The following EXPH5 variants were observed in gnomAD, a reference collection of about 807,000 sequenced individuals.
EXPH5 encodes exophilin 5.
A neutral mutation model predicts 41.1 loss-of-function variants in EXPH5; 42 were observed. The ratio of observed to expected loss-of-function variants is 1.02; its 90% CI spans 0.80 to 1.32. The LOEUF is 1.32. Among genes scored for constraint, EXPH5 ranks in the 40% most tolerant of loss-of-function variants. The pLI is 0.00. For missense variants in EXPH5, 2,298 were observed against 2,314.5 expected (o/e 0.99, Z 0.15); for synonymous variants, 798 against 833.5 (o/e 0.96, Z 0.73).
At chr11:108,533,099 T>C (rs1016983235) in intron 3 of EXPH5, among the ~76,000 whole-genome samples, 1 of 152,232 alleles carries the variant, frequency 6.6e-6, no homozygotes, top group African/African-American at 2.4e-5. Context: ...AGATTCTTCA[T>C]GATCATCTAT....
intron 4 of EXPH5, among the ~76,000 whole-genome samples, chr11:108,527,905 G>A (rs1273318843): frequency 1.3e-5 from 2 of 152,186 alleles, no homozygotes; most frequent in African/African-American, 2.4e-5. Context: ...TGCCACTGAT[G>A]GCATAAGTGG....
At chr11:108,574,373 C>A in intron 1 of EXPH5, among the ~76,000 whole-genome samples, 1 of 82,782 alleles carries the variant, frequency 1.2e-5, no homozygotes. Context: ...ACAAGACCAT[C>A]TCAAAAAAAA....
intron 1 of EXPH5, among the ~76,000 whole-genome samples, chr11:108,582,815 G>A (rs527697368): frequency 4.6e-5 from 7 of 152,138 alleles, no homozygotes; most frequent in Non-Finnish European, 8.8e-5. Flanking sequence ...TTGTGGCAGC[G>A]TTACTCCTGT....
intron 1 of EXPH5, among the ~76,000 whole-genome samples, chr11:108,575,782 T>C (rs2094077664): frequency 6.6e-6 from 1 of 152,134 alleles, no homozygotes; most frequent in Non-Finnish European, 1.5e-5. Flanking sequence ...AAGAACAGCC[T>C]GACCAACATG....
chr11:108,581,924 C>T (rs7105022), intron 1 of EXPH5, among the ~76,000 whole-genome samples: 64,427 of 151,874 alleles, frequency 0.42, 13,896 homozygotes, highest in Middle Eastern at 0.56. Flanking sequence ...TCAAAAAACA[C>T]GCACTGTCAA....
chr11:108,536,694 ATC>A (rs2093882325), intron 3 of EXPH5, among the ~76,000 whole-genome samples: 1 of 152,222 alleles, frequency 6.6e-6, no homozygotes, highest in African/African-American at 2.4e-5. Flanking sequence ...GAACAAGTGA[ATC>A]TGGTGAAATG....
chr11:108,576,079 A>G (rs911901220), intron 1 of EXPH5, among the ~76,000 whole-genome samples: 1 of 152,208 alleles, frequency 6.6e-6, no homozygotes, highest in Non-Finnish European at 1.5e-5. Flanking sequence ...CTACCTATAT[A>G]CTCTGGAGAA....
At chr11:108,576,648 A>G (rs1228316268) in intron 1 of EXPH5, among the ~76,000 whole-genome samples, 1 of 152,200 alleles carries the variant, frequency 6.6e-6, no homozygotes, top group Non-Finnish European at 1.5e-5. Flanking sequence ...TACATGTGAT[A>G]TTTAATATAA....
chr11:108,550,918 T>A (rs2093961364), intron 1 of EXPH5, among the ~76,000 whole-genome samples: 1 of 152,156 alleles, frequency 6.6e-6, no homozygotes, highest in Non-Finnish European at 1.5e-5. Context: ...CAGAAAAGCC[T>A]CAACATTCCT....
At position 108,577,593 on chromosome 11, in the gene EXPH5, T is replaced by G. The variant is rs546766439; in HGVS notation, c.119+15825A>C. ...CATGTGTCACCACGCCCGGCTAATTTTGTATTTTTAGTAGAGACAGGGTTT... is the reference window on the plus strand; with the variant it reads ...CATGTGTCACCACGCCCGGCTAATTGTGTATTTTTAGTAGAGACAGGGTTT... On this transcript the variant is annotated intron_variant, in intron 1 of 5. Coordinates refer to ENST00000265843, the MANE Select transcript of EXPH5 (RefSeq NM_015065.3). Among the ~76,000 whole-genome samples, 305 of 152,088 alleles carry G rather than the reference T, an allele frequency of 2.0e-3. 2 individuals carry two copies. Among genetic ancestry groups the G allele is most frequent in the African/African-American group, 7.2e-3 (298 of 41,490 alleles).
chr11:108,511,196 A>G lies in EXPH5; in HGVS notation c.4311T>C (p.Asn1437=). 6.2e-7 allele frequency: 1 copy of G among 1,613,196 alleles called. No homozygotes were observed. Among genetic ancestry groups the G allele is most frequent in the African/African-American group, 1.3e-5 (1 of 74,972 alleles). ...CCCAAGAACTTCTTCTAGTTTGGGA[A>G]TTTCCAATATTAACTTCTGAAAGAG... is the stretch of plus-strand genomic sequence containing the variant. ...LPALSEVNIG[N]SQTRRSSWEC... is the part of the protein sequence containing the mutation. Residue 1437 remains asparagine (N), a synonymous_variant, in exon 6 of 6, where the codon AAT becomes AAC. Transcript: ENST00000265843.
chr11:108,541,096 G>T (rs2093910174), intron 2 of EXPH5, among the ~76,000 whole-genome samples: 1 of 151,976 alleles, frequency 6.6e-6, no homozygotes, highest in African/African-American at 2.4e-5. Context: ...GTAGAGATGA[G>T]GTTTCGCCAT....
chr11:108,568,368 A>T (rs2094044544), intron 1 of EXPH5, among the ~76,000 whole-genome samples: 1 of 152,018 alleles, frequency 6.6e-6, no homozygotes, highest in African/African-American at 2.4e-5. Flanking sequence ...GTGGTTCCTG[A>T]GAACCAATCG....
chr11:108,593,824 TGTCCCCTCCCTCGTCCCCTCCCTCGTCTC>T, upstream of EXPH5: 1 of 1,362,134 alleles, frequency 7.3e-7, no homozygotes, highest in South Asian at 1.2e-5. Context: ...GGCCCTCCCT[TGTCCCCTCCCTCGTCCCCTCCCTCGTCTC>T]GTCCCGTCCC....
At chr11:108,530,342 A>G (rs1284531920) in intron 3 of EXPH5, among the ~76,000 whole-genome samples, 4 of 152,192 alleles carry the variant, frequency 2.6e-5, no homozygotes, top group Non-Finnish European at 5.9e-5. Context: ...TTTAGGAAAC[A>G]GCAGATATGT....
chr11:108,560,822 T>C (rs2094008211), intron 1 of EXPH5, among the ~76,000 whole-genome samples: 1 of 152,244 alleles, frequency 6.6e-6, no homozygotes, highest in Non-Finnish European at 1.5e-5. Flanking sequence ...GTGTAAAAGA[T>C]ATTTTTCTGG....
At chr11:108,577,657 A>C (rs1416359903) in intron 1 of EXPH5, among the ~76,000 whole-genome samples, 3 of 152,120 alleles carry the variant, frequency 2.0e-5, no homozygotes, top group Non-Finnish European at 4.4e-5. Flanking sequence ...TCCTGACCTC[A>C]GGTAATCTGC....
chr11:108,508,783 C>G lies in EXPH5; in HGVS notation c.*754G>C, dbSNP rs543263641. The G allele has an allele frequency of 4.6e-4, 70 of 152,298 alleles. No individual in the cohort carries two copies. The highest frequency in any genetic ancestry group is 1.6e-3 in the African/African-American group (67 of 41,572). The allele number at this position is 152,298 out of a possible 1,614,324, so 9.4% of individuals were successfully genotyped here. ...AAAAGCCCTTAATAATCCAGCCAGT[C>G]CCCCACGGTTTCAGAGGAATTTCTA... On this transcript the variant is annotated 3_prime_UTR_variant, in exon 6 of 6. Coordinates refer to ENST00000265843, the MANE Select transcript of EXPH5 (RefSeq NM_015065.3).
intron 4 of EXPH5, among the ~76,000 whole-genome samples, chr11:108,519,765 G>GAA (rs199768314): frequency 1.4e-4 from 20 of 147,630 alleles, no homozygotes; most frequent in African/African-American, 4.5e-4. Context: ...AAGAAAAAAA[G>GAA]AAAAAAAAAC....
Sources: allele counts gnomAD v4.1 joint callset (sites outside exome capture counted in the v4.1 genomes callset), GRCh38; gene constraint gnomAD v4.1.1; transcripts MANE v1.5; gene names NCBI Gene and HGNC (gene_info 2026-07-23, HGNC 2026-07-21).